The following CEP63 variants were observed in gnomAD, a reference collection of about 807,000 sequenced individuals.
CEP63 encodes centrosomal protein of 63 kDa.
CEP63 carries 84 observed loss-of-function variants against 89.1 expected under a neutral mutation model. The observed-to-expected ratio is 0.94, with a 90% confidence interval of 0.79 to 1.13. The LOEUF (loss-of-function observed/expected upper bound fraction) is 1.13, where lower values mean the gene tolerates loss of function less well. Ranked by LOEUF, CEP63 falls within the 50% of genes most tolerant of loss-of-function variation. The pLI, the probability that CEP63 is intolerant of heterozygous loss-of-function variation, is 0.00. For synonymous variants in CEP63, 267 were observed against 272.5 expected (o/e 0.98, Z 0.20); for missense variants, 838 against 813.3 (o/e 1.03, Z -0.37).
At chr3:134,625,464 CT>C in the CEP63 span, among the ~76,000 whole-genome samples, 1 of 152,238 alleles carries the variant, frequency 6.6e-6, no homozygotes, top group African/African-American at 2.4e-5. Context: ...ATGGAATCTT[CT>C]TTTTCCCACC....
chr3:134,533,671 T>A (rs996306013), intron 5 of CEP63, among the ~76,000 whole-genome samples: 1 of 152,154 alleles, frequency 6.6e-6, no homozygotes, highest in African/African-American at 2.4e-5. Flanking sequence ...CCCAGGGTGC[T>A]TTTAGGCTCT....
At chr3:134,703,527 A>T in the CEP63 span, among the ~76,000 whole-genome samples, 1 of 152,192 alleles carries the variant, frequency 6.6e-6, no homozygotes, top group African/African-American at 2.4e-5. Context: ...ATGCAGGAAT[A>T]GAAAACCAAA....
At chr3:134,721,628 G>A in the CEP63 span, among the ~76,000 whole-genome samples, 1 of 151,960 alleles carries the variant, frequency 6.6e-6, no homozygotes, top group Non-Finnish European at 1.5e-5. Flanking sequence ...TTCCTTAATC[G>A]GATTGAGGAA....
the CEP63 span, among the ~76,000 whole-genome samples, chr3:134,633,956 T>G: frequency 4.6e-5 from 7 of 152,220 alleles, no homozygotes; most frequent in African/African-American, 1.7e-4. Context: ...TTTCTGTATA[T>G]TGGCCATAAG....
At chr3:134,646,670 G>C in the CEP63 span, among the ~76,000 whole-genome samples, 2 of 152,146 alleles carry the variant, frequency 1.3e-5, no homozygotes, top group African/African-American at 4.8e-5. Context: ...CCCCATTTGT[G>C]TCATGGAGGG....
intron 3 of CEP63, among the ~76,000 whole-genome samples, chr3:134,531,594 GAAAA>G (rs758541719): frequency 6.6e-6 from 1 of 151,974 alleles, no homozygotes; most frequent in African/African-American, 2.4e-5. Flanking sequence ...AAGAAAAAAA[GAAAA>G]AGAGAGAGAG....
the CEP63 span, among the ~76,000 whole-genome samples, chr3:134,699,039 G>A: frequency 6.6e-6 from 1 of 152,164 alleles, no homozygotes; most frequent in Non-Finnish European, 1.5e-5. Flanking sequence ...GGGCTTGCTT[G>A]GGGCTCTAGC....
At chr3:134,627,838 A>G in the CEP63 span, 1 of 1,593,598 alleles carries the variant, frequency 6.3e-7, no homozygotes, top group African/African-American at 1.3e-5. Context: ...TCCAAAGATC[A>G]GAAGTATAGA....
the CEP63 span, chr3:134,647,505 A>C: frequency 6.3e-7 from 1 of 1,596,114 alleles, no homozygotes; most frequent in Non-Finnish European, 8.6e-7. Context: ...ATCCTGCAAA[A>C]TAACAAGCTT....
At chr3:134,709,441 G>A in the CEP63 span, among the ~76,000 whole-genome samples, 106 of 133,142 alleles carry the variant, frequency 8.0e-4, no homozygotes, top group Non-Finnish European at 4.0e-4. Flanking sequence ...CATAGGACAT[G>A]TTCACAAACA....
At chr3:134,732,118 C>T in the CEP63 span, among the ~76,000 whole-genome samples, 3 of 152,084 alleles carry the variant, frequency 2.0e-5, no homozygotes. Flanking sequence ...AAAAAATGAA[C>T]AAGATATACC....
At chr3:134,576,706 G>A (rs1408291589), downstream of CEP63, among the ~76,000 whole-genome samples, 4 of 152,186 alleles carry the variant, frequency 2.6e-5, no homozygotes, top group Non-Finnish European at 5.9e-5. Flanking sequence ...TGCTGTAGAT[G>A]GAACTCCGTA....
At chr3:134,578,331 T>TTTG (rs1265295108), downstream of CEP63, among the ~76,000 whole-genome samples, 1 of 53,574 alleles carries the variant, frequency 1.9e-5, no homozygotes, top group South Asian at 6.9e-4. Context: ...TGTTTTTTTT[T>TTTG]TTTTTTTTTT....
At chr3:134,569,663 A>G (rs1159952348), downstream of CEP63, among the ~76,000 whole-genome samples, 1 of 152,006 alleles carries the variant, frequency 6.6e-6, no homozygotes, top group Non-Finnish European at 1.5e-5. Context: ...TTCCAGGTGC[A>G]CGGTGCAAGC....
chr3:134,510,098 A>G (rs1944479725), intron 3 of CEP63, among the ~76,000 whole-genome samples: 1 of 152,202 alleles, frequency 6.6e-6, no homozygotes, highest in South Asian at 2.1e-4. Flanking sequence ...ACATTTTGTG[A>G]AATTTACAAT....
At chr3:134,677,055 G>A in the CEP63 span, among the ~76,000 whole-genome samples, 62 of 152,314 alleles carry the variant, frequency 4.1e-4, no homozygotes, top group Non-Finnish European at 6.3e-4. Flanking sequence ...CCAACATGGT[G>A]AAACCCCGTC....
At chr3:134,773,476 A>G in the CEP63 span, among the ~76,000 whole-genome samples, 1 of 152,210 alleles carries the variant, frequency 6.6e-6, no homozygotes, top group Admixed American at 6.5e-5. Context: ...CTATTCCTAG[A>G]GGGAAGGAGT....
At chr3:134,626,342 C>T in the CEP63 span, among the ~76,000 whole-genome samples, 1 of 152,230 alleles carries the variant, frequency 6.6e-6, no homozygotes, top group Non-Finnish European at 1.5e-5. Flanking sequence ...GCACTTCTAC[C>T]TTGGTTCCAG....
the CEP63 span, among the ~76,000 whole-genome samples, chr3:134,775,187 A>G: frequency 6.6e-6 from 1 of 152,154 alleles, no homozygotes. Context: ...GGTCCCTATA[A>G]GCAGAGCCTG....
Sources: allele counts gnomAD v4.1 joint callset (sites outside exome capture counted in the v4.1 genomes callset), GRCh38; gene constraint gnomAD v4.1.1; transcripts MANE v1.5; gene names NCBI Gene and HGNC (gene_info 2026-07-23, HGNC 2026-07-21).